BPTF: variants seen among roughly 807,000 people sequenced by gnomAD.
BPTF encodes the protein bromodomain PHD finger transcription factor.
Under a neutral mutation model 292.5 loss-of-function variants are expected in BPTF, and 18 were observed. The ratio of observed to expected loss-of-function variants is 0.06; its 90% CI spans 0.04 to 0.09. BPTF has a LOEUF of 0.09. BPTF is among the 10% of genes least tolerant of loss of function. The pLI, the probability that BPTF is intolerant of heterozygous loss-of-function variation, is 1.00. For synonymous variants in BPTF, 1,225 were observed against 1,251.9 expected (o/e 0.98, Z 0.45); for missense variants, 2,726 against 3,498.7 (o/e 0.78, Z 5.57).
At chr17:67,952,825 A>G (rs553294188) in intron 23 of BPTF, among the ~76,000 whole-genome samples, 1 of 152,246 alleles carries the variant, frequency 6.6e-6, no homozygotes, top group Non-Finnish European at 1.5e-5. Context: ...ACACTGCCCT[A>G]ACAATCCCGT....
At position 67,945,733 on chromosome 17, in the gene BPTF, G is replaced by A. The variant is rs910602094; in HGVS notation, c.7025G>A (p.Arg2342His). The change falls in exon 21 of 28, where the codon CGT (arginine) becomes CAT (histidine). Residue 2342 changes from arginine (R) to histidine (H), a missense_variant. This residue lies in a region of BPTF where 570 missense variants were observed against 633.5 expected (regional missense o/e 0.90). Coordinates refer to ENST00000306378, the MANE Select transcript of BPTF (RefSeq NM_182641.4). Reference protein sequence around the residue: ...QSNVQGQSPVRVQSPSQTRIR... With the variant: ...QSNVQGQSPVHVQSPSQTRIR... ...AATGTCCAAGGACAGTCTCCTGTTC[G>A]TGTCCAAAGTCCATCACAGACTCGA... 9.9e-6 allele frequency: 16 copies of A among 1,613,998 alleles called. No homozygotes were observed. Among genetic ancestry groups the A allele is most frequent in the Admixed American group, 5.0e-5 (3 of 59,992 alleles).
chr17:67,982,273 G>A lies in BPTF; in HGVS notation c.8748G>A (p.Gln2916=). ...KASRSHNNKL[Q]STAS is the part of the protein sequence containing the mutation. ...GTAGGTCTCATAACAACAAACTGCA[G>A]TCTACAGCTTCTTAAAGTTCAGCGT... Residue 2916 remains glutamine (Q), a synonymous_variant, in exon 28 of 28, where the codon CAG becomes CAA. Transcript: ENST00000306378. The A allele has an allele frequency of 6.2e-7, 1 of 1,611,240 alleles. No individual in the cohort carries two copies. Among genetic ancestry groups the A allele is most frequent in the Middle Eastern group, 1.7e-4 (1 of 5,984 alleles).
chr17:67,949,808 A>G (rs868950178), intron 23 of BPTF, among the ~76,000 whole-genome samples: 1 of 151,850 alleles, frequency 6.6e-6, no homozygotes, highest in Non-Finnish European at 1.5e-5. Flanking sequence ...CTGTAATCCC[A>G]GCACTTTGGG....
chr17:67,982,185 G>C, intron 27 of BPTF, 67 bp from the exon 28 acceptor site: 2 of 1,415,840 alleles, frequency 1.4e-6, no homozygotes, highest in East Asian at 2.3e-5. Context: ...CTTGGCATCC[G>C]CATAAAGCAT....
intron 18 of BPTF, among the ~76,000 whole-genome samples, chr17:67,939,660 G>A (rs758388744): frequency 6.6e-6 from 1 of 152,138 alleles, no homozygotes; most frequent in African/African-American, 2.4e-5. Flanking sequence ...GGTGGATCAC[G>A]AGGTCAGGAG....
intron 1 of BPTF, among the ~76,000 whole-genome samples, chr17:67,830,646 C>T (rs1042037795): frequency 6.6e-5 from 10 of 151,566 alleles, no homozygotes; most frequent in African/African-American, 1.5e-4. Flanking sequence ...GGAGAGGGAG[C>T]GGGAGCGGGA....
rs138257113 is a variant in BPTF at position 67,863,295 on chromosome 17, T to G, written c.1437-3169T>G. Among the ~76,000 whole-genome samples, 315 of 152,306 alleles carry G rather than the reference T, an allele frequency of 2.1e-3. 1 individual carries two copies. Among genetic ancestry groups the G allele is most frequent in the African/African-American group, 7.2e-3 (298 of 41,562 alleles). On this transcript the variant is annotated intron_variant, in intron 2 of 27. Transcript: ENST00000306378. ...ATGCTACCTTCTTTTCTTTTTCTTT[T>G]CATTTTTTTGAGACACGGAGTCTCT...
rs1387927605 is a variant in BPTF, at chr17:67,842,190, ATATCTATATGCATACATTG to A, written c.614-11746_614-11728del. Among the ~76,000 whole-genome samples the A allele has an allele frequency of 2.0e-5, 3 of 152,084 alleles. No homozygotes were observed. The East Asian group carries it at 5.8e-4, about 29-fold the overall frequency. ...ATGTATCTACATATGCTTTCAGTGT[ATATCTATATGCATACATTG>A]TATATATACATAGACATATATCTAC... On this transcript the variant is annotated intron_variant, in intron 1 of 27. Coordinates refer to ENST00000306378, the MANE Select transcript of BPTF (RefSeq NM_182641.4).
chr17:67,923,640 C>T (rs948355141), intron 14 of BPTF, among the ~76,000 whole-genome samples: 3 of 150,398 alleles, frequency 2.0e-5, no homozygotes, highest in Non-Finnish European at 3.0e-5. Context: ...CCACCATGCC[C>T]GGCTGATTTT....
chr17:67,829,561 A>G (rs2037907244), intron 1 of BPTF, among the ~76,000 whole-genome samples: 1 of 149,648 alleles, frequency 6.7e-6, no homozygotes, highest in African/African-American at 2.5e-5. Context: ...CAGTGAGTTG[A>G]TTAGGCTAAG....
chr17:67,964,194 C>T lies in BPTF; in HGVS notation c.8262-18C>T. ...TCCCATGTGTTTTGAACTCACATTT[C>T]CATTTCGGATCTTGCAGATTTTATA... On this transcript the variant is annotated intron_variant, in intron 24 of 27. Coordinates refer to ENST00000306378, the MANE Select transcript of BPTF (RefSeq NM_182641.4). 5 of 1,598,490 alleles carry T rather than the reference C, an allele frequency of 3.1e-6. No individual in the cohort carries two copies. Among genetic ancestry groups the T allele is most frequent in the Non-Finnish European group, 4.3e-6 (5 of 1,167,314 alleles).
chr17:67,893,858 T>C (rs1367924944), intron 6 of BPTF, 133 bp downstream of exon 6: 4 of 1,126,018 alleles, frequency 3.6e-6, no homozygotes, highest in Non-Finnish European at 3.8e-6. Context: ...GACAGGACAT[T>C]AGAGGCATGA....
intron 27 of BPTF, 75 bp downstream of exon 27, chr17:67,976,033 A>G: frequency 1.7e-6 from 2 of 1,200,290 alleles, no homozygotes; most frequent in African/African-American, 1.6e-5. Flanking sequence ...TAACGATTCA[A>G]CCAGTGCAGT....
At chr17:67,910,553 A>G (rs567175946) in intron 10 of BPTF, among the ~76,000 whole-genome samples, 1 of 152,302 alleles carries the variant, frequency 6.6e-6, no homozygotes, top group South Asian at 2.1e-4. Context: ...TAATCTCAGC[A>G]CTTTGGGAGG....
At chr17:67,892,169 A>G (rs2061160173) in intron 5 of BPTF, 135 bp downstream of exon 5, 2 of 699,066 alleles carry the variant, frequency 2.9e-6, no homozygotes, top group Non-Finnish European at 4.4e-6. Context: ...TGTTTCCGAA[A>G]CTGTAGTAGT....
At chr17:67,870,113 A>G (rs1013634128) in intron 3 of BPTF, among the ~76,000 whole-genome samples, 1 of 152,108 alleles carries the variant, frequency 6.6e-6, no homozygotes, top group Non-Finnish European at 1.5e-5. Flanking sequence ...TTAGATGACT[A>G]AAATTTGTGT....
intron 1 of BPTF, among the ~76,000 whole-genome samples, chr17:67,827,042 A>G (rs1480808717): frequency 6.6e-6 from 1 of 152,226 alleles, no homozygotes; most frequent in Non-Finnish European, 1.5e-5. Flanking sequence ...ACCCAACCAA[A>G]TTTGGTTATT....
chr17:67,973,562 C>A (rs73338736), intron 26 of BPTF, among the ~76,000 whole-genome samples: 3,192 of 151,772 alleles, frequency 0.021, 116 homozygotes, highest in African/African-American at 0.073. Context: ...GTGGTGAGTG[C>A]AGTGGTGCGA....
At chr17:67,969,840 C>T (rs138387052) in intron 26 of BPTF, among the ~76,000 whole-genome samples, 6,518 of 152,006 alleles carry the variant, frequency 0.043, 184 homozygotes, top group South Asian at 0.13. Flanking sequence ...GCAGGAGAAT[C>T]GCTTGAACCC....
Sources: allele counts gnomAD v4.1 joint callset (sites outside exome capture counted in the v4.1 genomes callset), GRCh38; gene constraint gnomAD v4.1.1; regional missense constraint gnomAD v4.1.1; transcripts MANE v1.5; gene names NCBI Gene and HGNC (gene_info 2026-07-23, HGNC 2026-07-21).